Variants in QKI observed in about 807,000 individuals in gnomAD.
QKI encodes the protein KH domain-containing RNA-binding protein QKI.
In QKI, 10 loss-of-function variants were observed where a neutral mutation model predicts 39.0. The ratio of observed to expected loss-of-function variants is 0.26; its 90% CI spans 0.16 to 0.43. The LOEUF (loss-of-function observed/expected upper bound fraction) is 0.43. Among genes scored for constraint, QKI ranks in the 20% least tolerant of loss-of-function variants. The pLI is 1.00. For synonymous variants in QKI, 204 were observed against 155.4 expected, an observed-to-expected ratio of 1.31 and a Z score of -2.33; for missense variants, 218 against 428.0, an observed-to-expected ratio of 0.51 and a Z score of 4.33.
rs115072824 is a variant in QKI at position 163,544,308 on chromosome 6, C to T, written c.546+9183C>T. ...CTGGAGCATGTGCGTAGGTTATATG[C>T]AAATACTATGCCATTTTATATCATG... On this transcript the variant is annotated intron_variant, in intron 4 of 7. Transcript: ENST00000361752. 2.9e-3 allele frequency among the ~76,000 whole-genome samples: 434 copies of T among 152,092 alleles called. 2 individuals are homozygous for T. The highest frequency in any genetic ancestry group is 9.7e-3 in the African/African-American group (403 of 41,534).
intron 3 of QKI, among the ~76,000 whole-genome samples, chr6:163,494,161 A>G (rs1380701345): frequency 1.3e-5 from 2 of 152,222 alleles, no homozygotes; most frequent in Non-Finnish European, 2.9e-5. Flanking sequence ...AAATAATAAT[A>G]CAACAATAGA....
At chr6:163,522,283 A>G (rs1057195233) in intron 3 of QKI, among the ~76,000 whole-genome samples, 2 of 152,158 alleles carry the variant, frequency 1.3e-5, no homozygotes, top group East Asian at 1.9e-4. Flanking sequence ...GAGAGCTTGC[A>G]TGTCTGTTCA....
chr6:163,544,002 A>G (rs1286006605), intron 4 of QKI, among the ~76,000 whole-genome samples: 1 of 152,016 alleles, frequency 6.6e-6, no homozygotes. Flanking sequence ...TATCTTTGTC[A>G]TAGTTTTTCT....
intron 3 of QKI, among the ~76,000 whole-genome samples, chr6:163,489,335 G>A (rs1375667781): frequency 1.3e-5 from 2 of 152,010 alleles, no homozygotes; most frequent in Non-Finnish European, 2.9e-5. Context: ...CAGTGTATGA[G>A]AGTAGCAGTT....
intron 7 of QKI, chr6:163,568,234 A>G (rs550774408): frequency 1.0e-6 from 1 of 984,534 alleles, no homozygotes; most frequent in African/African-American, 1.7e-5. Context: ...TCTAAAGAGT[A>G]TTTTAAAGTA....
At chr6:163,475,734 A>T (rs918869458) in intron 2 of QKI, among the ~76,000 whole-genome samples, 3 of 152,246 alleles carry the variant, frequency 2.0e-5, no homozygotes, top group African/African-American at 7.2e-5. Flanking sequence ...AATTCCTGGT[A>T]CACTGTAGAT....
intron 1 of QKI, among the ~76,000 whole-genome samples, chr6:163,417,979 AT>A (rs1491481709): frequency 1.3e-5 from 2 of 149,996 alleles, no homozygotes; most frequent in Admixed American, 6.6e-5. Flanking sequence ...AGTCCATCAC[AT>A]TTTTTTTTCT....
chr6:163,535,873 A>C (rs990734427), intron 4 of QKI, among the ~76,000 whole-genome samples: 10 of 152,208 alleles, frequency 6.6e-5, no homozygotes, highest in African/African-American at 2.4e-4. Flanking sequence ...CAGAGGTTGC[A>C]GTGAGCTGAG....
chr6:163,556,381 A>G (rs541893896), intron 4 of QKI, among the ~76,000 whole-genome samples: 234 of 151,880 alleles, frequency 1.5e-3, no homozygotes, highest in African/African-American at 5.4e-3. Flanking sequence ...GCGTAGTGAC[A>G]TATGCCTGTA....
At chr6:163,544,251 T>C (rs949602390) in intron 4 of QKI, among the ~76,000 whole-genome samples, 1 of 152,074 alleles carries the variant, frequency 6.6e-6, no homozygotes, top group African/African-American at 2.4e-5. Context: ...GCATTAGGTA[T>C]TATAAATAAT....
intron 3 of QKI, among the ~76,000 whole-genome samples, chr6:163,528,679 T>C (rs988846220): frequency 6.6e-6 from 1 of 152,216 alleles, no homozygotes; most frequent in Non-Finnish European, 1.5e-5. Context: ...CACCATAGTA[T>C]ACTTGTCAAG....
At chr6:163,417,381 T>C (rs1207340240) in intron 1 of QKI, among the ~76,000 whole-genome samples, 3 of 152,142 alleles carry the variant, frequency 2.0e-5, no homozygotes, top group Non-Finnish European at 4.4e-5. Context: ...TCAAAGACTA[T>C]AGGAGATTCC....
intron 4 of QKI, among the ~76,000 whole-genome samples, chr6:163,553,832 A>G (rs1395096246): frequency 1.3e-5 from 2 of 152,160 alleles, no homozygotes; most frequent in Admixed American, 6.5e-5. Context: ...TATAGTTTTA[A>G]TGGAGGAGGA....
chr6:163,564,881 T>G, intron 6 of QKI: 1 of 1,378,920 alleles, frequency 7.3e-7, no homozygotes, highest in Non-Finnish European at 9.4e-7. Flanking sequence ...TTTAGGACTT[T>G]GATCTTTTAA....
intron 4 of QKI, among the ~76,000 whole-genome samples, chr6:163,545,656 CTG>C (rs1161973448): frequency 6.6e-6 from 1 of 152,004 alleles, no homozygotes; most frequent in Non-Finnish European, 1.5e-5. Flanking sequence ...AACAGAGACT[CTG>C]TATGAATAAC....
chr6:163,564,908 C>G, intron 6 of QKI: 2 of 1,362,850 alleles, frequency 1.5e-6, no homozygotes, highest in Non-Finnish European at 1.9e-6. Context: ...TTTTCCCCAG[C>G]ATTAATATTG....
At chr6:163,543,705 T>C (rs998468707) in intron 4 of QKI, among the ~76,000 whole-genome samples, 3 of 152,056 alleles carry the variant, frequency 2.0e-5, no homozygotes, top group Non-Finnish European at 2.9e-5. Flanking sequence ...GCTGATAGCT[T>C]CTTAAATTCT....
intron 1 of QKI, among the ~76,000 whole-genome samples, chr6:163,439,427 A>G (rs1371194071): frequency 7.4e-6 from 1 of 134,624 alleles, no homozygotes; most frequent in Non-Finnish European, 1.5e-5. Flanking sequence ...GGCTCAATGC[A>G]CCCTCCGCCT....
At chr6:163,563,305 CCTTTT>C in intron 5 of QKI, 110 bp from the exon 6 acceptor site, 1 of 989,512 alleles carries the variant, frequency 1.0e-6, no homozygotes, top group Non-Finnish European at 1.5e-6. Context: ...CTAATGATTT[CCTTTT>C]ATTTTTCTTC....
Sources: allele counts gnomAD v4.1 joint callset (sites outside exome capture counted in the v4.1 genomes callset), GRCh38; gene constraint gnomAD v4.1.1; transcripts MANE v1.5; gene names NCBI Gene and HGNC (gene_info 2026-07-23, HGNC 2026-07-21).